Variants in ARID1B observed in about 807,000 individuals in gnomAD.
The protein encoded by ARID1B is AT-rich interactive domain-containing protein 1B.
Under a neutral mutation model 212.3 loss-of-function variants are expected in ARID1B, and 30 were observed. The ratio of observed to expected loss-of-function variants is 0.14; its 90% CI spans 0.11 to 0.19. The LOEUF (loss-of-function observed/expected upper bound fraction) is 0.19, where lower values mean the gene tolerates loss of function less well. ARID1B is among the 10% of genes least tolerant of loss of function. ARID1B has a pLI of 1.00. For synonymous variants in ARID1B, 1,402 were observed against 1,301.7 expected, an observed-to-expected ratio of 1.08 and a Z score of -1.66; for missense variants, 2,891 against 3,204.0, an observed-to-expected ratio of 0.90 and a Z score of 2.36.
In ARID1B at chr6:156,939,830, A is replaced by C. The variant is rs74755955; in HGVS notation, c.2247+4254A>C. The C allele has an allele frequency of 7.7e-3, 1,170 of 152,358 alleles. 20 individuals are homozygous for C. Among genetic ancestry groups the C allele is most frequent in the African/African-American group, 0.027 (1,112 of 41,566 alleles). 9.4% of individuals were successfully genotyped at this position (152,358 alleles called of 1,614,324 possible). A position where few individuals can be genotyped will look rare whatever the true frequency, so the allele number is the denominator to read the frequency against. ...AAAAGCATTCTGTTCTTAGTAATAC[A>C]TCTTTTTTACTTATAAAAAATTAAT... On this transcript the variant is annotated intron_variant, in intron 4 of 19. Transcript: ENST00000636930.
At chr6:156,965,696 G>A (rs117580598) in intron 4 of ARID1B, among the ~76,000 whole-genome samples, 2,684 of 152,194 alleles carry the variant, frequency 0.018, 39 homozygotes, top group Non-Finnish European at 0.027. Flanking sequence ...TTGAAATTTT[G>A]GAACCTAATG....
chr6:156,864,916 T>C (rs1486539191), intron 2 of ARID1B, among the ~76,000 whole-genome samples: 1 of 152,212 alleles, frequency 6.6e-6, no homozygotes, highest in Non-Finnish European at 1.5e-5. Flanking sequence ...TACACAGCTC[T>C]TTGTTTTTCG....
chr6:156,900,722 A>T (rs913490941), intron 2 of ARID1B, among the ~76,000 whole-genome samples: 1 of 152,210 alleles, frequency 6.6e-6, no homozygotes, highest in Non-Finnish European at 1.5e-5. Flanking sequence ...TTTTAGGCTG[A>T]TGTAAATTAG....
At chr6:156,894,742 C>T (rs974555466) in intron 2 of ARID1B, among the ~76,000 whole-genome samples, 5 of 152,158 alleles carry the variant, frequency 3.3e-5, no homozygotes, top group Admixed American at 6.5e-5. Context: ...GAAACTGGGG[C>T]GTGTTTTAGT....
intron 5 of ARID1B, among the ~76,000 whole-genome samples, chr6:157,092,048 A>C (rs1310077436): frequency 6.6e-6 from 1 of 152,238 alleles, no homozygotes; most frequent in African/African-American, 2.4e-5. Flanking sequence ...GGAAAAAAAA[A>C]ATTAACACAA....
At chr6:156,781,731 A>T (rs886815728) in intron 1 of ARID1B, among the ~76,000 whole-genome samples, 1 of 152,132 alleles carries the variant, frequency 6.6e-6, no homozygotes, top group Admixed American at 6.5e-5. Context: ...AAAACATTAT[A>T]GAGAAGAATC....
chr6:157,085,011 A>G (rs575282703), intron 5 of ARID1B, 106 bp downstream of exon 5: 216 of 1,381,952 alleles, frequency 1.6e-4, no homozygotes, highest in South Asian at 3.4e-4. Flanking sequence ...TAGTGGCCAC[A>G]TATTAAGAGT....
chr6:156,825,032 T>G (rs1043755647), intron 1 of ARID1B, among the ~76,000 whole-genome samples: 1 of 152,010 alleles, frequency 6.6e-6, no homozygotes, highest in Non-Finnish European at 1.5e-5. Flanking sequence ...GCCTGGCTAA[T>G]TTTTTGTATT....
intron 8 of ARID1B, among the ~76,000 whole-genome samples, chr6:157,160,779 C>G (rs1160464336): frequency 6.6e-6 from 1 of 152,130 alleles, no homozygotes; most frequent in East Asian, 1.9e-4. Flanking sequence ...GCCCCAGGGC[C>G]CTTGAATTTG....
At chr6:157,179,989 A>G (rs933328027) in intron 11 of ARID1B, among the ~76,000 whole-genome samples, 1 of 152,274 alleles carries the variant, frequency 6.6e-6, no homozygotes, top group Non-Finnish European at 1.5e-5. Context: ...TAACCTAGGT[A>G]TGCATAAATA....
intron 2 of ARID1B, among the ~76,000 whole-genome samples, chr6:156,865,665 CT>C (rs1785634365): frequency 6.6e-6 from 1 of 152,050 alleles, no homozygotes; most frequent in African/African-American, 2.4e-5. Flanking sequence ...TCATACTAGA[CT>C]TTTAACTTTA....
At chr6:157,197,165 A>C (rs1014439834) in intron 16 of ARID1B, among the ~76,000 whole-genome samples, 2 of 152,260 alleles carry the variant, frequency 1.3e-5, no homozygotes, top group Non-Finnish European at 2.9e-5. Context: ...CCTCCTAGTA[A>C]GAGACATGAT....
chr6:157,065,025 A>G (rs1374745053), intron 4 of ARID1B, among the ~76,000 whole-genome samples: 1 of 152,196 alleles, frequency 6.6e-6, no homozygotes, highest in Non-Finnish European at 1.5e-5. Context: ...AAAAATTATT[A>G]TTTGCAAATA....
chr6:156,854,396 C>A (rs1464322424), intron 2 of ARID1B, among the ~76,000 whole-genome samples: 1 of 152,170 alleles, frequency 6.6e-6, no homozygotes, highest in East Asian at 1.9e-4. Flanking sequence ...TTCTTATGAC[C>A]CATAACCTGA....
chr6:156,776,259 T>C (rs1778617093), upstream of ARID1B: 1 of 152,160 alleles, frequency 6.6e-6, no homozygotes, highest in Non-Finnish European at 1.5e-5. Flanking sequence ...AATGCACATA[T>C]TGAAAACATT....
intron 4 of ARID1B, among the ~76,000 whole-genome samples, chr6:157,063,889 C>G (rs1783509046): frequency 6.6e-6 from 1 of 152,222 alleles, no homozygotes; most frequent in Non-Finnish European, 1.5e-5. Flanking sequence ...CAGGAGAATA[C>G]TGAGAGCTAG....
At chr6:157,122,393 G>A (rs1230048982) in intron 6 of ARID1B, among the ~76,000 whole-genome samples, 1 of 152,184 alleles carries the variant, frequency 6.6e-6, no homozygotes, top group African/African-American at 2.4e-5. Context: ...AATGACTCCA[G>A]GGAATATCTT....
intron 4 of ARID1B, among the ~76,000 whole-genome samples, chr6:156,988,071 T>A (rs550837678): frequency 6.6e-6 from 1 of 151,176 alleles, no homozygotes; most frequent in East Asian, 1.9e-4. Context: ...GGCAAAACAC[T>A]CTAAAAAAAT....
At chr6:156,962,919 C>A (rs1333844385) in intron 4 of ARID1B, among the ~76,000 whole-genome samples, 1 of 151,596 alleles carries the variant, frequency 6.6e-6, no homozygotes, top group Non-Finnish European at 1.5e-5. Flanking sequence ...GTAGCTGGGA[C>A]TACAGGCGTG....
Sources: allele counts gnomAD v4.1 joint callset (sites outside exome capture counted in the v4.1 genomes callset), GRCh38; gene constraint gnomAD v4.1.1; transcripts MANE v1.5; gene names NCBI Gene and HGNC (gene_info 2026-07-23, HGNC 2026-07-21).